MBP: variants seen among roughly 807,000 people sequenced by gnomAD.
The protein encoded by MBP is myelin basic protein.
A neutral mutation model predicts 35.8 loss-of-function variants in MBP; 16 were observed. That is an observed-to-expected ratio of 0.45 (90% CI 0.30 to 0.68). The LOEUF is 0.68. Ranked by LOEUF, MBP falls within the 30% of genes least tolerant of loss-of-function variation. The probability of loss-of-function intolerance (pLI) is 0.08; values close to 1 mark genes in which losing one functional copy is unlikely to be tolerated. For synonymous variants in MBP, 143 were observed against 159.6 expected (o/e 0.90, Z 0.78); for missense variants, 380 against 404.7 (o/e 0.94, Z 0.52).
At position 76,988,883 on chromosome 18, in the gene MBP, C is replaced by T; in HGVS notation, c.711G>A (p.Gln237=). Residue 237 remains glutamine, a synonymous_variant, in exon 6 of 9, where the codon CAG becomes CAA. Transcript: ENST00000355994. The surrounding 1 kb of genome is among the most constrained non-coding windows in gnomAD (Gnocchi z 5.2). ...IVTPRTPPPS[Q]GKGRGLSLSR... ...AAACATTCCAAGGTCTTACCTTTCC[C>T]TGCGACGGGGGTGGTGTGCGAGGCG... The T allele has an allele frequency of 6.2e-7, 1 of 1,613,792 alleles. No homozygotes were observed. Among genetic ancestry groups the T allele is most frequent in the Non-Finnish European group, 8.5e-7 (1 of 1,179,808 alleles).
rs187110029 is a variant in MBP, at chr18:76,987,842, A to C, written c.750+653T>G. The C allele has an allele frequency of 3.4e-4, 353 of 1,038,424 alleles. 1 individual carries two copies. The African/African-American group carries it at 5.7e-3, about 17-fold the overall frequency. The allele number at this position is 1,038,424 out of a possible 1,614,324, so 64.3% of individuals were successfully genotyped here. A position where few individuals can be genotyped will look rare whatever the true frequency, so the allele number is the denominator to read the frequency against. On this transcript the variant is annotated intron_variant, in intron 7 of 8. Transcript: ENST00000355994. The stretch of plus-strand genomic sequence containing the variant: ...CATTTTAATTTGGCTCAGACACCAA[A>C]TTTTTTCACTAGAAAGTTCAAATTG...
At chr18:76,996,058 G>A (rs375444044) in intron 4 of MBP, among the ~76,000 whole-genome samples, 3 of 152,318 alleles carry the variant, frequency 2.0e-5, no homozygotes, top group East Asian at 1.9e-4. Flanking sequence ...CAAAGAGGAC[G>A]TAGGGAGGGT....
rs115786992 is a variant in MBP at position 77,064,610 on chromosome 18, A to G, written c.139+1688T>C. Among the ~76,000 whole-genome samples the G allele has an allele frequency of 9.7e-3, 1,472 of 152,310 alleles. 29 individuals carry two copies. The highest frequency in any genetic ancestry group is 0.034 in the African/African-American group (1,427 of 41,554). ...TTTTATGTGTGTTTGCTCAAGAAGGATGGAATTGTAGAAAAGAAAGGACTT... is the reference window on the plus strand; with the variant it reads ...TTTTATGTGTGTTTGCTCAAGAAGGGTGGAATTGTAGAAAAGAAAGGACTT... On this transcript the variant is annotated intron_variant, in intron 3 of 8. Transcript: ENST00000355994.
chr18:76,997,830 C>T (rs1171883729), intron 4 of MBP, among the ~76,000 whole-genome samples: 1 of 152,122 alleles, frequency 6.6e-6, no homozygotes, highest in Non-Finnish European at 1.5e-5. Flanking sequence ...CTAGAGGCTC[C>T]GCCACCACGC....
chr18:77,124,593 G>A (rs573645623), intron 1 of MBP, among the ~76,000 whole-genome samples: 20 of 152,326 alleles, frequency 1.3e-4, no homozygotes, highest in South Asian at 6.2e-4. Flanking sequence ...AGGTGAGTTC[G>A]GAGGGGATGG....
At position 76,981,600 on chromosome 18, in the gene MBP, C is replaced by T. The variant is rs1969207730; in HGVS notation, c.871-1129G>A. ...GGATTTTTGTTTTCACAAGTGAAAACGTTTATGAAATGCTAGCCTGCGAAG... is the reference window on the plus strand; with the variant it reads ...GGATTTTTGTTTTCACAAGTGAAAATGTTTATGAAATGCTAGCCTGCGAAG... On this transcript the variant is annotated intron_variant, in intron 8 of 8. Transcript: ENST00000355994. The T allele has an allele frequency of 3.9e-5, 6 of 152,104 alleles. No individual in the cohort carries two copies. In the South Asian group the frequency reaches 6.2e-4, roughly 16 times the overall value. 9.4% of individuals were successfully genotyped at this position (152,104 alleles called of 1,614,324 possible). A position where few individuals can be genotyped will look rare whatever the true frequency, so the allele number is the denominator to read the frequency against.
chr18:76,987,956 T>A, intron 7 of MBP: 1 of 1,170,032 alleles, frequency 8.5e-7, no homozygotes, highest in Non-Finnish European at 1.1e-6. Flanking sequence ...TTGATATCTA[T>A]GTTTTAATTA....
rs1230413632 is a variant in MBP at position 77,044,967 on chromosome 18, T to C, written c.139+21331A>G. ...AGTGTGTGTGTGTAAGTGTGGTGTGTGAGTGTGGAGTGTGTGAGTGTTCAA... is the reference window on the plus strand; with the variant it reads ...AGTGTGTGTGTGTAAGTGTGGTGTGCGAGTGTGGAGTGTGTGAGTGTTCAA... On this transcript the variant is annotated intron_variant, in intron 3 of 8. Transcript: ENST00000355994. The surrounding 1 kb of genome is among the most constrained non-coding windows in gnomAD (Gnocchi z 4.4). Among the ~76,000 whole-genome samples, 1 of 146,702 alleles carries C rather than the reference T, an allele frequency of 6.8e-6. No homozygotes were observed. The highest frequency in any genetic ancestry group is 1.5e-5 in the Non-Finnish European group (1 of 67,282).
chr18:76,993,584 T>G (rs1000041881), intron 4 of MBP, among the ~76,000 whole-genome samples: 3 of 152,128 alleles, frequency 2.0e-5, no homozygotes, highest in African/African-American at 7.2e-5. Context: ...GATCCCATTT[T>G]ATCCCTTGGA....
rs796465310 is a variant in MBP, at chr18:76,986,137, C to T, written c.751-1243G>A. Reference sequence around the variant, plus strand: ...GGTGGGTGCACTGTCTGTGGGAAGGCTGACCACGCTGTTAGCTTTTCAGGG... The same window carrying T: ...GGTGGGTGCACTGTCTGTGGGAAGGTTGACCACGCTGTTAGCTTTTCAGGG... On this transcript the variant is annotated intron_variant, in intron 7 of 8. Coordinates refer to ENST00000355994, the MANE Select transcript of MBP (RefSeq NM_001025101.2). The T allele has an allele frequency of 1.0e-5, 10 of 985,558 alleles. No homozygotes were observed. In the African/African-American group the frequency reaches 1.4e-4, roughly 14 times the overall value. The allele number at this position is 985,558 out of a possible 1,614,324, so 61.1% of individuals were successfully genotyped here.
At chr18:77,055,289 T>A (rs901111135) in intron 3 of MBP, among the ~76,000 whole-genome samples, 1 of 152,120 alleles carries the variant, frequency 6.6e-6, no homozygotes, top group African/African-American at 2.4e-5. Flanking sequence ...TGCAAGAGTG[T>A]CCTGCCCTGG....
intron 2 of MBP, among the ~76,000 whole-genome samples, chr18:77,104,851 G>T (rs2145131517): frequency 6.6e-6 from 1 of 152,228 alleles, no homozygotes; most frequent in Non-Finnish European, 1.5e-5. Flanking sequence ...AAGAGGAAGG[G>T]CTGCTTCGTC....
Position 76,988,103 on chromosome 18 carries a change from C to A in MBP, c.750+392G>T. On this transcript the variant is annotated intron_variant, in intron 7 of 8. Coordinates refer to ENST00000355994, the MANE Select transcript of MBP (RefSeq NM_001025101.2). This position sits in a 1 kb window ranked among gnomAD's most constrained non-coding sequence, Gnocchi z 5.2. ...CAGCATCTGGGGTCACTGAGACGGG[C>A]CAGCCAGTCCCACTTCCACATGCGG... 2.0e-6 allele frequency: 3 copies of A among 1,503,894 alleles called. No homozygotes were observed. The highest frequency in any genetic ancestry group is 1.8e-6 in the Non-Finnish European group (2 of 1,127,668). The allele number at this position is 1,503,894 out of a possible 1,614,324, so 93.2% of individuals were successfully genotyped here. A position where few individuals can be genotyped will look rare whatever the true frequency, so the allele number is the denominator to read the frequency against.
rs190972684 is a variant in MBP, at chr18:77,101,526, C to T, written c.51+3685G>A. On this transcript the variant is annotated intron_variant, in intron 2 of 8. Coordinates refer to ENST00000355994, the MANE Select transcript of MBP (RefSeq NM_001025101.2). This position sits in a 1 kb window ranked among gnomAD's most constrained non-coding sequence, Gnocchi z 4.3. ...GCAGGCTGCCCACTCCTCTGATGGG[C>T]GGAGTGCTTCTGCCTGAATCTGATG... Among the ~76,000 whole-genome samples, 24 of 152,270 alleles carry T rather than the reference C, an allele frequency of 1.6e-4. No individual in the cohort carries two copies. The highest frequency in any genetic ancestry group is 3.9e-4 in the Admixed American group (6 of 15,300).
At chr18:77,000,165 T>C (rs1404730732) in intron 4 of MBP, among the ~76,000 whole-genome samples, 1 of 152,194 alleles carries the variant, frequency 6.6e-6, no homozygotes, top group Non-Finnish European at 1.5e-5. Context: ...TTTCTATTGT[T>C]TAGAAAAATA....
At chr18:77,045,617 A>G (rs969991400) in intron 3 of MBP, among the ~76,000 whole-genome samples, 1 of 152,256 alleles carries the variant, frequency 6.6e-6, no homozygotes, top group Non-Finnish European at 1.5e-5. Context: ...TTAGATTGTT[A>G]GCCAGGAGTG....
At chr18:77,015,348 A>C in intron 4 of MBP, 1 of 985,434 alleles carries the variant, frequency 1.0e-6, no homozygotes, top group Non-Finnish European at 1.2e-6. Context: ...GGATGCTTAC[A>C]TAATAGCAAC....
chr18:77,003,174 A>G (rs1970728390), intron 4 of MBP: 1 of 152,236 alleles, frequency 6.6e-6, no homozygotes, highest in South Asian at 2.1e-4. Context: ...AGGGCCCATC[A>G]GTTCCTCCTT....
At chr18:77,116,727 T>C (rs1461290407) in intron 1 of MBP, among the ~76,000 whole-genome samples, 1 of 152,098 alleles carries the variant, frequency 6.6e-6, no homozygotes, top group Non-Finnish European at 1.5e-5. Flanking sequence ...CGTATGGTGG[T>C]GCATGCCTGT....
Sources: gnomAD v4.1 joint callset for allele counts (sites outside exome capture counted in the v4.1 genomes callset) on GRCh38, gnomAD v4.1.1 for gene constraint, Gnocchi (gnomAD v3.1) non-coding constraint, MANE v1.5 for transcripts, NCBI Gene and HGNC (gene_info 2026-07-23, HGNC 2026-07-21) for gene names.